Variants in AUTS2 observed in about 807,000 individuals in gnomAD.
AUTS2 encodes the protein activator of transcription and developmental regulator AUTS2, also known as autism susceptibility gene 2 protein.
A neutral mutation model predicts 112.4 loss-of-function variants in AUTS2; 17 were observed. That is an observed-to-expected ratio of 0.15 (90% confidence interval 0.10 to 0.23). AUTS2 has a LOEUF of 0.23. AUTS2 is among the 10% of genes least tolerant of loss of function. The probability of loss-of-function intolerance (pLI) is 1.00; values close to 1 mark genes in which losing one functional copy is unlikely to be tolerated. For missense variants in AUTS2, 1,510 were observed against 1,701.6 expected (o/e 0.89, Z 1.98); for synonymous variants, 751 against 702.7 (o/e 1.07, Z -1.09).
chr7:70,232,819 C>T (rs537703907), intron 4 of AUTS2, among the ~76,000 whole-genome samples: 5 of 152,106 alleles, frequency 3.3e-5, no homozygotes, highest in Non-Finnish European at 7.4e-5. Context: ...AAGTCAAAGG[C>T]CTGTATTTAA....
intron 11 of AUTS2, among the ~76,000 whole-genome samples, chr7:70,773,177 C>G (rs949543508): frequency 7.2e-5 from 11 of 152,260 alleles, no homozygotes; most frequent in South Asian, 6.2e-4. Context: ...CTTTTCCCCC[C>G]CTTCTCCTTG....
chr7:70,606,525 T>C (rs995784121), intron 5 of AUTS2, among the ~76,000 whole-genome samples: 9 of 152,256 alleles, frequency 5.9e-5, no homozygotes, highest in East Asian at 5.8e-4. Flanking sequence ...TATATTATAG[T>C]GCAGCGCCCA....
intron 4 of AUTS2, among the ~76,000 whole-genome samples, chr7:70,335,214 C>T (rs1481491278): frequency 6.6e-6 from 1 of 152,146 alleles, no homozygotes; most frequent in Admixed American, 6.5e-5. Flanking sequence ...TTATGTGTGT[C>T]CCCAAGCCTT....
At chr7:69,986,630 G>A (rs769375467) in intron 2 of AUTS2, among the ~76,000 whole-genome samples, 26 of 152,306 alleles carry the variant, frequency 1.7e-4, no homozygotes, top group Middle Eastern at 3.4e-3. Flanking sequence ...AGTGCTCCTT[G>A]CTTGAAGAAC....
chr7:70,445,354 A>C (rs1796279257), intron 5 of AUTS2, among the ~76,000 whole-genome samples: 1 of 152,164 alleles, frequency 6.6e-6, no homozygotes, highest in Non-Finnish European at 1.5e-5. Context: ...TCAGGAGCTC[A>C]TGCTGTCATC....
intron 5 of AUTS2, among the ~76,000 whole-genome samples, chr7:70,601,493 T>G (rs1339623720): frequency 2.6e-5 from 4 of 152,114 alleles, no homozygotes; most frequent in African/African-American, 9.7e-5. Context: ...GATGTGAAAC[T>G]GTCTAAAAAG....
At chr7:70,606,851 ACT>A (rs1803804839) in intron 5 of AUTS2, among the ~76,000 whole-genome samples, 1 of 143,752 alleles carries the variant, frequency 7.0e-6, no homozygotes, top group African/African-American at 2.6e-5. Context: ...GACAAGCGAG[ACT>A]CTGTCTCAAG....
intron 5 of AUTS2, among the ~76,000 whole-genome samples, chr7:70,484,013 A>G (rs2116258281): frequency 6.6e-6 from 1 of 152,332 alleles, no homozygotes; most frequent in Non-Finnish European, 1.5e-5. Flanking sequence ...TATTTTAATA[A>G]AGATGAATAT....
intron 1 of AUTS2, among the ~76,000 whole-genome samples, chr7:69,895,842 G>T (rs1035177818): frequency 3.3e-5 from 5 of 152,202 alleles, no homozygotes; most frequent in Non-Finnish European, 4.4e-5. Flanking sequence ...GGTCTCCAAA[G>T]AGAATGGCAT....
At chr7:69,747,837 G>A (rs1201019004) in intron 1 of AUTS2, among the ~76,000 whole-genome samples, 1 of 151,606 alleles carries the variant, frequency 6.6e-6, no homozygotes, top group Non-Finnish European at 1.5e-5. Context: ...GAGAGAAAGT[G>A]TGCCAGAAAT....
In AUTS2 at chr7:69,913,816, A is replaced by G. The variant is rs577011545; in HGVS notation, c.522+14318A>G. Among the ~76,000 whole-genome samples the G allele has an allele frequency of 2.6e-5, 4 of 151,998 alleles. No individual in the cohort carries two copies. In the East Asian group the frequency reaches 5.8e-4, roughly 22 times the overall value. On this transcript the variant is annotated intron_variant, in intron 2 of 18. Transcript: ENST00000342771. ...AGTGCTGTTTCTTCAGCTTCATGTC[A>G]TGCTTCCCTTGCTTACTGGCTCCAG...
At chr7:70,580,277 G>A (rs1024431029) in intron 5 of AUTS2, among the ~76,000 whole-genome samples, 1 of 152,192 alleles carries the variant, frequency 6.6e-6, no homozygotes. Flanking sequence ...TGTGCCCTGC[G>A]CTGTAGCGTG....
chr7:70,035,459 G>A (rs927074883), intron 2 of AUTS2, among the ~76,000 whole-genome samples: 4 of 152,150 alleles, frequency 2.6e-5, no homozygotes, highest in Non-Finnish European at 5.9e-5. Context: ...GAGGTTCTGA[G>A]GCATTGCTGT....
At chr7:70,165,915 G>A (rs1808355913) in intron 4 of AUTS2, among the ~76,000 whole-genome samples, 1 of 152,128 alleles carries the variant, frequency 6.6e-6, no homozygotes, top group Admixed American at 6.5e-5. Context: ...CCTGGTGGGA[G>A]GTGATTGGAT....
Position 70,038,145 on chromosome 7 carries a change from G to A in AUTS2, c.523-79987G>A, listed in dbSNP as rs543266725. On this transcript the variant is annotated intron_variant, in intron 2 of 18. Coordinates refer to ENST00000342771, the MANE Select transcript of AUTS2 (RefSeq NM_015570.4). ...TGGACTGCGGTGAGGGAGAGTGGAGGTAGTGTTGAGAACCCGTAGGCTCTG... is the reference window on the plus strand; with the variant it reads ...TGGACTGCGGTGAGGGAGAGTGGAGATAGTGTTGAGAACCCGTAGGCTCTG... 4.6e-4 allele frequency among the ~76,000 whole-genome samples: 70 copies of A among 152,102 alleles called. 1 individual carries two copies. Among genetic ancestry groups the A allele is most frequent in the African/African-American group, 1.5e-3 (62 of 41,498 alleles).
intron 1 of AUTS2, chr7:69,825,980 C>T (rs1791224771): frequency 6.6e-6 from 1 of 152,138 alleles, no homozygotes; most frequent in Admixed American, 6.5e-5. Context: ...CTCTATTGCC[C>T]TGTTTTGCTC....
chr7:70,107,652 GT>G (rs1270809546), intron 2 of AUTS2, among the ~76,000 whole-genome samples: 1 of 149,322 alleles, frequency 6.7e-6, no homozygotes, highest in Non-Finnish European at 1.5e-5. Flanking sequence ...TCACAATTAA[GT>G]TTATAACAGG....
At chr7:70,167,705 A>G (rs973382588) in intron 4 of AUTS2, among the ~76,000 whole-genome samples, 9 of 152,224 alleles carry the variant, frequency 5.9e-5, no homozygotes, top group African/African-American at 2.2e-4. Context: ...AAATGATGCA[A>G]ATTATGTTCA....
chr7:69,632,972 G>A (rs1189129329), intron 1 of AUTS2, among the ~76,000 whole-genome samples: 1 of 151,998 alleles, frequency 6.6e-6, no homozygotes, highest in African/African-American at 2.4e-5. Context: ...ACCTTACATA[G>A]GCAAGAGCAG....
Sources: gnomAD v4.1 joint callset for allele counts (sites outside exome capture counted in the v4.1 genomes callset) on GRCh38, gnomAD v4.1.1 for gene constraint, MANE v1.5 for transcripts, NCBI Gene and HGNC (gene_info 2026-07-23, HGNC 2026-07-21) for gene names.